SAMD8: variants seen among roughly 807,000 people sequenced by gnomAD.
The protein encoded by SAMD8 is sterile alpha motif domain containing 8.
In SAMD8, 20 loss-of-function variants were observed where a neutral mutation model predicts 42.0. The ratio of observed to expected loss-of-function variants is 0.48; its 90% confidence interval spans 0.34 to 0.69. The LOEUF (loss-of-function observed/expected upper bound fraction) is 0.69. Ranked by LOEUF, SAMD8 falls within the 30% of genes least tolerant of loss-of-function variation. The pLI is 0.01. For synonymous variants in SAMD8, 162 were observed against 173.0 expected, an observed-to-expected ratio of 0.94 and a Z score of 0.50; for missense variants, 328 against 511.6, an observed-to-expected ratio of 0.64 and a Z score of 3.46.
chr10:75,127,751 A>G (rs1390823682), intron 1 of SAMD8, among the ~76,000 whole-genome samples: 1 of 152,226 alleles, frequency 6.6e-6, no homozygotes, highest in East Asian at 1.9e-4. Flanking sequence ...TCCCAGTTAC[A>G]TGACAGACAG....
intron 2 of SAMD8, among the ~76,000 whole-genome samples, chr10:75,153,411 G>T (rs574175866): frequency 1.1e-4 from 16 of 151,712 alleles, no homozygotes; most frequent in Non-Finnish European, 1.9e-4. Flanking sequence ...AGGAATTCGA[G>T]ACCAGCCTGG....
chr10:75,127,205 AT>A (rs1849166431), intron 1 of SAMD8, among the ~76,000 whole-genome samples: 1 of 151,704 alleles, frequency 6.6e-6, no homozygotes, highest in Admixed American at 6.6e-5. Flanking sequence ...AAAAAAAAAA[AT>A]CTTTGTTATG....
intron 1 of SAMD8, among the ~76,000 whole-genome samples, chr10:75,146,995 G>A (rs1487958597): frequency 2.0e-5 from 3 of 152,154 alleles, no homozygotes; most frequent in African/African-American, 7.2e-5. Flanking sequence ...AGTGAAATGT[G>A]TCATGCTTTT....
rs1840744408 is a variant in SAMD8 at position 75,168,425 on chromosome 10, T to A, written c.675-116T>A. On this transcript the variant is annotated intron_variant, in intron 3 of 5. Transcript: ENST00000542569. ...GATGGTCTTTAAGATTTCTGTCCTCTTCAAAGAGTCTAGTGATTTTTCTGT... is the reference window on the plus strand; with the variant it reads ...GATGGTCTTTAAGATTTCTGTCCTCATCAAAGAGTCTAGTGATTTTTCTGT... 8 of 1,513,734 alleles carry A rather than the reference T, an allele frequency of 5.3e-6. No homozygotes were observed. In the East Asian group the frequency reaches 1.9e-4, roughly 35 times the overall value. The allele number at this position is 1,513,734 out of a possible 1,614,324, so 93.8% of individuals were successfully genotyped here. A position where few individuals can be genotyped will look rare whatever the true frequency, so the allele number is the denominator to read the frequency against.
chr10:75,136,840 C>A (rs1266126390), intron 1 of SAMD8, among the ~76,000 whole-genome samples: 1 of 152,176 alleles, frequency 6.6e-6, no homozygotes, highest in African/African-American at 2.4e-5. Flanking sequence ...CATGGCTAAT[C>A]ATTACTGAAA....
At chr10:75,132,143 C>G (rs915815536) in intron 1 of SAMD8, among the ~76,000 whole-genome samples, 1 of 152,168 alleles carries the variant, frequency 6.6e-6, no homozygotes, top group African/African-American at 2.4e-5. Context: ...CTGGGAGATG[C>G]AAACAACCTT....
chr10:75,146,235 G>T (rs928549078), intron 1 of SAMD8, among the ~76,000 whole-genome samples: 1 of 148,810 alleles, frequency 6.7e-6, no homozygotes. Flanking sequence ...TTGTTTCCTG[G>T]CTCTCAGGGA....
chr10:75,115,878 T>G (rs1018834720), intron 1 of SAMD8, among the ~76,000 whole-genome samples: 16 of 150,266 alleles, frequency 1.1e-4, no homozygotes, highest in Non-Finnish European at 1.9e-4. Flanking sequence ...GAGGCGGAGC[T>G]TGCAGTGAGC....
At position 75,164,435 on chromosome 10, in the gene SAMD8, G is replaced by A. The variant is rs1840629497; in HGVS notation, c.579-210G>A. ...ATTTGCTGTCAGAGAACCCTAACTG[G>A]GAATCAATGGACAAGAAACAGGTTC... On this transcript the variant is annotated intron_variant, in intron 2 of 5. Coordinates refer to ENST00000542569, the MANE Select transcript of SAMD8 (RefSeq NM_001174156.2). 5 of 831,072 alleles carry A rather than the reference G, an allele frequency of 6.0e-6. No homozygotes were observed. In the South Asian group the frequency reaches 1.7e-4, roughly 27 times the overall value. 51.5% of individuals were successfully genotyped at this position (831,072 alleles called of 1,614,324 possible).
At chr10:75,107,717 T>C (rs1021448680), upstream of SAMD8, among the ~76,000 whole-genome samples, 2 of 152,128 alleles carry the variant, frequency 1.3e-5, no homozygotes, top group African/African-American at 4.8e-5. Flanking sequence ...GCTGAGATTA[T>C]AGGTGGGTGC....
intron 3 of SAMD8, among the ~76,000 whole-genome samples, chr10:75,164,941 G>C (rs866003157): frequency 1.3e-5 from 2 of 152,212 alleles, no homozygotes; most frequent in African/African-American, 4.8e-5. Context: ...AATCCTGAAT[G>C]CATTTTGCAC....
At chr10:75,132,006 A>G (rs1849284684) in intron 1 of SAMD8, among the ~76,000 whole-genome samples, 1 of 152,228 alleles carries the variant, frequency 6.6e-6, no homozygotes, top group Non-Finnish European at 1.5e-5. Flanking sequence ...ATTTCAGACT[A>G]TTCTAATGTA....
chr10:75,135,110 T>C (rs1849360799), intron 1 of SAMD8, among the ~76,000 whole-genome samples: 2 of 152,076 alleles, frequency 1.3e-5, no homozygotes, highest in African/African-American at 4.8e-5. Context: ...AAATTATATA[T>C]GTGCTAAGTA....
intron 1 of SAMD8, among the ~76,000 whole-genome samples, chr10:75,105,450 T>C (rs927547750): frequency 1.5e-4 from 23 of 152,238 alleles, no homozygotes; most frequent in African/African-American, 4.6e-4. Context: ...TACAGGAGAA[T>C]TGCCTAGGCC....
chr10:75,131,310 T>G (rs1300590123), intron 1 of SAMD8, among the ~76,000 whole-genome samples: 1 of 152,266 alleles, frequency 6.6e-6, no homozygotes, highest in Non-Finnish European at 1.5e-5. Flanking sequence ...GAGGTGCCTT[T>G]GCACACATCT....
At chr10:75,134,813 T>G (rs1485618784) in intron 1 of SAMD8, among the ~76,000 whole-genome samples, 1 of 152,048 alleles carries the variant, frequency 6.6e-6, no homozygotes, top group Non-Finnish European at 1.5e-5. Context: ...TCTTAACACT[T>G]TGGGAGGCCG....
At chr10:75,138,990 C>G (rs1284435937) in intron 1 of SAMD8, among the ~76,000 whole-genome samples, 1 of 132,124 alleles carries the variant, frequency 7.6e-6, no homozygotes, top group Non-Finnish European at 1.6e-5. Flanking sequence ...GACGGAGTTT[C>G]GCTCTTGCTG....
Position 75,164,592 on chromosome 10 carries a change from G to A in SAMD8, c.579-53G>A, listed in dbSNP as rs939452486. ...AAAGAGCACCTTACTGAAAAGGGTGGCATCATTCACATGTATACTTCTTCA... is the reference window on the plus strand; with the variant it reads ...AAAGAGCACCTTACTGAAAAGGGTGACATCATTCACATGTATACTTCTTCA... On this transcript the variant is annotated intron_variant, in intron 2 of 5. Coordinates refer to ENST00000542569, the MANE Select transcript of SAMD8 (RefSeq NM_001174156.2). 13 of 1,578,984 alleles carry A rather than the reference G, an allele frequency of 8.2e-6. No homozygotes were observed. In the Admixed American group the frequency reaches 8.5e-5, roughly 10 times the overall value.
intron 1 of SAMD8, among the ~76,000 whole-genome samples, chr10:75,122,450 A>G (rs1484943497): frequency 6.6e-6 from 1 of 151,852 alleles, no homozygotes; most frequent in Non-Finnish European, 1.5e-5. Context: ...TGTCTCCAGA[A>G]AAAAAATAGA....
Sources: gnomAD v4.1 joint callset for allele counts (sites outside exome capture counted in the v4.1 genomes callset) on GRCh38, gnomAD v4.1.1 for gene constraint, MANE v1.5 for transcripts, NCBI Gene and HGNC (gene_info 2026-07-23, HGNC 2026-07-21) for gene names.